The following CHD2 variants were observed in gnomAD, a reference collection of about 807,000 sequenced individuals.
The protein encoded by CHD2 is ATP-dependent chromatin remodeler CHD2.
In CHD2, 28 loss-of-function variants were observed where a neutral mutation model predicts 243.9. The ratio of observed to expected loss-of-function variants is 0.11; its 90% CI spans 0.09 to 0.16. CHD2 has a LOEUF of 0.16. Among genes scored for constraint, CHD2 ranks in the 10% least tolerant of loss-of-function variants. The probability of loss-of-function intolerance (pLI) is 1.00; values close to 1 mark genes in which losing one functional copy is unlikely to be tolerated. For synonymous variants in CHD2, 775 were observed against 779.0 expected (o/e 0.99, Z 0.09); for missense variants, 1,386 against 2,209.8 (o/e 0.63, Z 7.47).
chr15:92,906,136 G>GT (rs1202799363), intron 2 of CHD2, among the ~76,000 whole-genome samples: 1 of 152,146 alleles, frequency 6.6e-6, no homozygotes, highest in Non-Finnish European at 1.5e-5. Context: ...AGCCAATTAA[G>GT]TTTTTTATAG....
In CHD2 at chr15:93,024,773, T is replaced by A; in HGVS notation, c.*68T>A. 2 of 1,344,852 alleles carry A rather than the reference T, an allele frequency of 1.5e-6. No individual in the cohort carries two copies. Among genetic ancestry groups the A allele is most frequent in the Non-Finnish European group, 2.0e-6 (2 of 976,178 alleles). 83.3% of individuals were successfully genotyped at this position (1,344,852 alleles called of 1,614,324 possible). On this transcript the variant is annotated 3_prime_UTR_variant, in exon 39 of 39. Transcript: ENST00000394196. ...GGATATTTTTGGTCTGATCCTACAG[T>A]AGCCGGTTATCTAGACCAGTAAGTG...
intron 16 of CHD2, among the ~76,000 whole-genome samples, chr15:92,957,652 CT>C (rs34017211): frequency 9.5e-4 from 136 of 143,424 alleles, no homozygotes; most frequent in Middle Eastern, 3.6e-3. Context: ...GCTCTACAAT[CT>C]TTTTTTTTTT....
In CHD2 at chr15:93,020,115, C is replaced by T. The variant is rs369883738; in HGVS notation, c.5010C>T (p.Tyr1670=). 1.9e-6 allele frequency: 3 copies of T among 1,614,020 alleles called. No homozygotes were observed. Among genetic ancestry groups the T allele is most frequent in the Non-Finnish European group, 2.5e-6 (3 of 1,180,036 alleles). ...DRHHQYEQHW[Y]KDHHYGDRRH... ...ACCATCAGTATGAGCAGCACTGGTACAAGGACCACCATTATGGGGACCGGC... is the reference window on the plus strand; with the variant it reads ...ACCATCAGTATGAGCAGCACTGGTATAAGGACCACCATTATGGGGACCGGC... The change falls in exon 38 of 39, where the codon TAC becomes TAT. Residue 1670 remains tyrosine, a synonymous_variant. Coordinates refer to ENST00000394196, the MANE Select transcript of CHD2 (RefSeq NM_001271.4).
At chr15:92,945,672 A>G (rs2053454986) in intron 10 of CHD2, 149 bp from the exon 11 acceptor site, 1 of 449,258 alleles carries the variant, frequency 2.2e-6, no homozygotes, top group African/African-American at 2.1e-5. Flanking sequence ...TGCTGGGATT[A>G]CAGGCGTGAG....
rs747595052 is a variant in CHD2 at position 92,992,886 on chromosome 15, G to A, written c.3483G>A (p.Glu1161=). The change falls in exon 28 of 39, where the codon GAG becomes GAA. Residue 1161 remains glutamate, a synonymous_variant. Transcript: ENST00000394196. ...ERLECIARDA[E]LVDKSVADLK... ...TGGAGTGCATAGCACGTGATGCTGA[G>A]CTGGTAGATAAGTCGGTGGCAGATC... is the stretch of plus-strand genomic sequence containing the variant. 49 of 1,613,820 alleles carry A rather than the reference G, an allele frequency of 3.0e-5. No individual in the cohort carries two copies. Among genetic ancestry groups the A allele is most frequent in the Non-Finnish European group, 4.0e-5 (47 of 1,180,036 alleles).
intron 22 of CHD2, among the ~76,000 whole-genome samples, chr15:92,979,901 G>GATA (rs141537056): frequency 0.014 from 2,040 of 150,766 alleles, 41 homozygotes; most frequent in African/African-American, 0.047. Flanking sequence ...CTGGGCGACC[G>GATA]ATAATAATAA....
At chr15:92,912,469 G>C (rs1354904398) in intron 2 of CHD2, among the ~76,000 whole-genome samples, 3 of 152,232 alleles carry the variant, frequency 2.0e-5, no homozygotes, top group Admixed American at 2.0e-4. Context: ...TGATTCTCCT[G>C]CCTCAGCCTC....
chr15:92,902,229 C>G (rs572727037), intron 2 of CHD2: 2 of 397,814 alleles, frequency 5.0e-6, no homozygotes, highest in South Asian at 1.3e-4. Flanking sequence ...TTGTGCAAAT[C>G]ATGATCTGTT....
intron 14 of CHD2, 162 bp downstream of exon 14, chr15:92,953,735 CAG>C: frequency 1.5e-6 from 1 of 648,982 alleles, no homozygotes; most frequent in Non-Finnish European, 2.6e-6. Flanking sequence ...AAGTGCAACT[CAG>C]ATGTTCTTTA....
intron 26 of CHD2, 115 bp from the exon 27 acceptor site, chr15:92,991,361 C>G (rs985674570): frequency 6.3e-5 from 39 of 622,214 alleles, no homozygotes; most frequent in East Asian, 4.2e-4. Context: ...AGGATTGAGT[C>G]CACTCTATTT....
Position 93,000,585 on chromosome 15 carries a change from T to C in CHD2, c.4082T>C (p.Ile1361Thr). The change falls in exon 32 of 39, where the codon ATT (isoleucine) becomes ACT (threonine). Residue 1361 changes from isoleucine (I) to threonine (T), a missense_variant. By Grantham distance (89) the Ile-to-Thr change is moderately conservative. Coordinates refer to ENST00000394196, the MANE Select transcript of CHD2 (RefSeq NM_001271.4). Reference sequence around the variant, plus strand: ...CCCAGGCTGAAAGAGGAGCATGGAATTGAGCTTTCATCTCCTAGGCATTCA... The same window carrying C: ...CCCAGGCTGAAAGAGGAGCATGGAACTGAGCTTTCATCTCCTAGGCATTCA... ...KVPRLKEEHGIELSSPRHSDN... is the reference protein window; with the variant it reads ...KVPRLKEEHGTELSSPRHSDN... The C allele has an allele frequency of 3.1e-6, 5 of 1,613,830 alleles. No homozygotes were observed. The highest frequency in any genetic ancestry group is 2.5e-6 in the Non-Finnish European group (3 of 1,179,776).
rs1420329827 is a variant in CHD2 at position 92,972,763 on chromosome 15, A to G, written c.2505+346A>G. ...CTACTTGGGAGGCTGAGGCAGGAGA[A>G]TGGCGTGAACCCGGGAGGCGGAGCT... On this transcript the variant is annotated intron_variant, in intron 19 of 38. Coordinates refer to ENST00000394196, the MANE Select transcript of CHD2 (RefSeq NM_001271.4). 4.2e-5 allele frequency among the ~76,000 whole-genome samples: 2 copies of G among 47,472 alleles called. 1 individual carries two copies. The highest frequency in any genetic ancestry group is 1.1e-4 in the Non-Finnish European group (2 of 18,002). 31.1% of individuals were successfully genotyped at this position (47,472 alleles called of 152,430 possible).
At chr15:92,980,004 G>A (rs2053957361) in intron 22 of CHD2, among the ~76,000 whole-genome samples, 1 of 151,316 alleles carries the variant, frequency 6.6e-6, no homozygotes, top group South Asian at 2.1e-4. Flanking sequence ...GCAGATTGTT[G>A]AGTGTCTTCT....
chr15:93,019,512 A>C (rs183583825), intron 37 of CHD2, among the ~76,000 whole-genome samples: 89 of 152,362 alleles, frequency 5.8e-4, no homozygotes, highest in Admixed American at 2.0e-3. Context: ...AAGAAGAAAG[A>C]AATTTAATGT....
At chr15:92,949,417 AAAG>A (rs1381022257) in intron 13 of CHD2, among the ~76,000 whole-genome samples, 5 of 152,352 alleles carry the variant, frequency 3.3e-5, no homozygotes, top group Middle Eastern at 3.4e-3. Flanking sequence ...TACTCAGAAG[AAAG>A]AAGAAGATGT....
intron 2 of CHD2, among the ~76,000 whole-genome samples, chr15:92,906,030 A>G (rs112489030): frequency 0.014 from 2,176 of 152,350 alleles, 49 homozygotes; most frequent in African/African-American, 0.05. Context: ...GATATGAACT[A>G]TTCTGTTATT....
At chr15:93,015,268 A>G (rs1182311694) in intron 37 of CHD2, among the ~76,000 whole-genome samples, 1 of 152,254 alleles carries the variant, frequency 6.6e-6, no homozygotes, top group South Asian at 2.1e-4. Flanking sequence ...TAGTAGAGAC[A>G]GGGTTTTGCC....
At chr15:92,980,758 A>T (rs2053969333) in intron 22 of CHD2, 57 bp from the exon 23 acceptor site, 2 of 1,219,126 alleles carry the variant, frequency 1.6e-6, no homozygotes, top group Non-Finnish European at 2.4e-6. Context: ...GTTATTCTGA[A>T]GTAGAACACT....
chr15:92,901,449 T>C (rs1208562367), intron 2 of CHD2, 150 bp downstream of exon 2: 1 of 629,480 alleles, frequency 1.6e-6, no homozygotes, highest in Non-Finnish European at 2.9e-6. Context: ...ACCTTGAGAT[T>C]GCTAATATGC....
Sources: gnomAD v4.1 joint callset for allele counts (sites outside exome capture counted in the v4.1 genomes callset) on GRCh38, gnomAD v4.1.1 for gene constraint, MANE v1.5 for transcripts, NCBI Gene and HGNC (gene_info 2026-07-23, HGNC 2026-07-21) for gene names.